SH3TC2: variants seen among roughly 807,000 people sequenced by gnomAD.
SH3TC2 encodes the protein SH3 domain and tetratricopeptide repeats 2, also known as SH3 domain and tetratricopeptide repeat-containing protein 2.
SH3TC2 carries 87 observed loss-of-function variants against 124.5 expected under a neutral mutation model. The observed-to-expected ratio is 0.70, with a 90% CI of 0.59 to 0.84. The LOEUF (loss-of-function observed/expected upper bound fraction) is 0.84, where lower values mean the gene tolerates loss of function less well. Ranked by LOEUF, SH3TC2 falls within the 40% of genes least tolerant of loss-of-function variation. The pLI, the probability that SH3TC2 is intolerant of heterozygous loss-of-function variation, is 0.00. For synonymous variants in SH3TC2, 634 were observed against 628.5 expected, an observed-to-expected ratio of 1.01 and a Z score of -0.13; for missense variants, 1,536 against 1,566.4, an observed-to-expected ratio of 0.98 and a Z score of 0.33.
intron 9 of SH3TC2, among the ~76,000 whole-genome samples, chr5:149,030,851 T>C (rs555850483): frequency 2.6e-5 from 4 of 152,340 alleles, no homozygotes; most frequent in South Asian, 4.1e-4. Context: ...CAAGTCACCA[T>C]CAATGAGAAA....
intron 8 of SH3TC2, 106 bp from the exon 9 acceptor site, chr5:149,031,793 A>C: frequency 3.4e-6 from 5 of 1,477,348 alleles, no homozygotes; most frequent in Non-Finnish European, 4.7e-6. Context: ...AAAGTCATCA[A>C]ACCAACTTCC....
At chr5:149,054,544 C>T (rs548835241) in intron 1 of SH3TC2, among the ~76,000 whole-genome samples, 19 of 146,848 alleles carry the variant, frequency 1.3e-4, no homozygotes, top group Non-Finnish European at 2.7e-4. Context: ...ACAGCAAACC[C>T]ACAAACATCT....
chr5:148,998,855 G>A lies in SH3TC2; in HGVS notation c.*5856C>T, dbSNP rs1256627950. The stretch of plus-strand genomic sequence containing the variant: ...TTCTGGAATAATCAGACAGAGTTGG[G>A]AGAGTGAGGGGGTACATATCAGGAA... On this transcript the variant is annotated 3_prime_UTR_variant, in exon 17 of 17. Coordinates refer to ENST00000515425, the MANE Select transcript of SH3TC2 (RefSeq NM_024577.4). 6.6e-6 allele frequency among the ~76,000 whole-genome samples: 1 copy of A among 152,200 alleles called. No homozygotes were observed. Among genetic ancestry groups the A allele is most frequent in the Non-Finnish European group, 1.5e-5 (1 of 68,036 alleles).
At position 148,994,034 on chromosome 5, in the gene SH3TC2, T is replaced by C. The variant is rs574365626; in HGVS notation, c.*10677A>G. On this transcript the variant is annotated 3_prime_UTR_variant, in exon 17 of 17. Transcript: ENST00000515425. The stretch of plus-strand genomic sequence containing the variant: ...CATGAAGCACCAAGAGCTTAACAAC[T>C]TGCCTGAGGTCACACATTTCATAAG... Among the ~76,000 whole-genome samples, 3 of 152,312 alleles carry C rather than the reference T, an allele frequency of 2.0e-5. No homozygotes were observed. The highest frequency in any genetic ancestry group is 7.2e-5 in the African/African-American group (3 of 41,566).
Position 148,990,059 on chromosome 5 carries a change from C to A in SH3TC2, c.*14652G>T, listed in dbSNP as rs1342345629. On this transcript the variant is annotated 3_prime_UTR_variant, in exon 17 of 17. Transcript: ENST00000515425. The stretch of plus-strand genomic sequence containing the variant: ...TCACTCAAAATATAGCTCCCTTAAG[C>A]CAGTTTTCCCTGCTTTCTCTCATGG... Among the ~76,000 whole-genome samples the A allele has an allele frequency of 6.6e-6, 1 of 152,004 alleles. No homozygotes were observed. Among genetic ancestry groups the A allele is most frequent in the Non-Finnish European group, 1.5e-5 (1 of 67,994 alleles).
intron 8 of SH3TC2, among the ~76,000 whole-genome samples, chr5:149,036,689 A>T (rs1754288089): frequency 6.6e-6 from 1 of 152,112 alleles, no homozygotes; most frequent in Admixed American, 6.5e-5. Context: ...TGGTAACATG[A>T]AGGGGTGGTT....
At position 149,027,518 on chromosome 5, in the gene SH3TC2, T is replaced by C; in HGVS notation, c.2214A>G (p.Pro738=). Residue 738 remains proline (P), a synonymous_variant, in exon 11 of 17, where the codon CCA becomes CCG. Coordinates refer to ENST00000515425, the MANE Select transcript of SH3TC2 (RefSeq NM_024577.4). ...AGGCAGCCAGGGCCTGTCTGAGCATTGGGCAGGCCAAGGCAGAAACTTCAC... is the reference window on the plus strand; with the variant it reads ...AGGCAGCCAGGGCCTGTCTGAGCATCGGGCAGGCCAAGGCAGAAACTTCAC... ...GWGEVSALAC[P]MLRQALAACE... 6.2e-7 allele frequency: 1 copy of C among 1,614,194 alleles called. No homozygotes were observed. The highest frequency in any genetic ancestry group is 8.5e-7 in the Non-Finnish European group (1 of 1,180,022).
At position 149,033,548 on chromosome 5, in the gene SH3TC2, A is replaced by C. The variant is rs74915794; in HGVS notation, c.1002-1861T>G. Among the ~76,000 whole-genome samples the C allele has an allele frequency of 2.2e-3, 331 of 152,320 alleles. 13 individuals are homozygous for C. The East Asian group carries it at 0.053, about 24-fold the overall frequency. On this transcript the variant is annotated intron_variant, in intron 8 of 16. Transcript: ENST00000515425. ...TTCAGCTGGGACTCTGGCCTTCAGA[A>C]CTGGGGTTGACCTTCTAATGCCCAC...
chr5:149,036,752 A>G (rs1487430431), intron 8 of SH3TC2, among the ~76,000 whole-genome samples: 4 of 152,118 alleles, frequency 2.6e-5, no homozygotes, highest in Non-Finnish European at 4.4e-5. Flanking sequence ...GGGAGCTTTT[A>G]TCAATATAAT....
chr5:149,024,641 G>A (rs975864399), intron 12 of SH3TC2, among the ~76,000 whole-genome samples: 3 of 152,150 alleles, frequency 2.0e-5, no homozygotes, highest in Non-Finnish European at 4.4e-5. Context: ...ACATTATTAG[G>A]TCATGGCAGG....
At chr5:149,033,079 T>G (rs531136086) in intron 8 of SH3TC2, among the ~76,000 whole-genome samples, 1 of 152,278 alleles carries the variant, frequency 6.6e-6, no homozygotes, top group South Asian at 2.1e-4. Flanking sequence ...TAATCCATGT[T>G]TGTAGATTAA....
At chr5:149,051,259 A>G (rs897598304) in intron 2 of SH3TC2, among the ~76,000 whole-genome samples, 4 of 152,230 alleles carry the variant, frequency 2.6e-5, no homozygotes, top group Non-Finnish European at 4.4e-5. Context: ...CATTAATTTC[A>G]AAACTTTTTC....
intron 2 of SH3TC2, among the ~76,000 whole-genome samples, chr5:149,049,643 G>A (rs1296868264): frequency 6.6e-6 from 1 of 151,968 alleles, no homozygotes; most frequent in African/African-American, 2.4e-5. Flanking sequence ...TGGTGGCCTG[G>A]GCATGGTGGT....
intron 12 of SH3TC2, among the ~76,000 whole-genome samples, chr5:149,023,582 C>CGTTTTTTTTTTT (rs1754012630): frequency 1.4e-5 from 1 of 73,520 alleles, no homozygotes; most frequent in Non-Finnish European, 2.4e-5. Flanking sequence ...ATAGTGTAAT[C>CGTTTTTTTTTTT]CTTTTTTTTT....
chr5:149,032,543 T>C (rs1580904499), intron 8 of SH3TC2, among the ~76,000 whole-genome samples: 1 of 152,332 alleles, frequency 6.6e-6, no homozygotes, highest in Admixed American at 6.5e-5. Context: ...GCCCAGGAGT[T>C]AATAATAGCT....
chr5:149,049,526 G>A (rs910659278), intron 2 of SH3TC2, among the ~76,000 whole-genome samples: 1 of 152,170 alleles, frequency 6.6e-6, no homozygotes, highest in African/African-American at 2.4e-5. Flanking sequence ...TAGCGGTTTG[G>A]GAGGTCAAGG....
At position 148,993,304 on chromosome 5, in the gene SH3TC2, G is replaced by T. The variant is rs554401192; in HGVS notation, c.*11407C>A. On this transcript the variant is annotated 3_prime_UTR_variant, in exon 17 of 17. Coordinates refer to ENST00000515425, the MANE Select transcript of SH3TC2 (RefSeq NM_024577.4). The stretch of plus-strand genomic sequence containing the variant: ...AACTACGATGGAAAATTCAGTGGCA[G>T]AAGCTAAAATTTGACCTAAATAAAT... Among the ~76,000 whole-genome samples the T allele has an allele frequency of 6.6e-6, 1 of 152,240 alleles. No individual in the cohort carries two copies. The highest frequency in any genetic ancestry group is 1.5e-5 in the Non-Finnish European group (1 of 68,012).
chr5:149,042,830 T>A lies in SH3TC2; in HGVS notation c.393A>T (p.Val131=). 5.6e-6 allele frequency: 9 copies of A among 1,614,144 alleles called. No homozygotes were observed. The highest frequency in any genetic ancestry group is 7.6e-6 in the Non-Finnish European group (9 of 1,180,028). ...AGAGGAGATGTTCTAGACACATGGA[T>A]ACGTAGCCTAAGAAGTCAAGCCAAC... ...KFSTYLNLGY[V]SMCLEHLLFD... Residue 131 remains valine (V), a synonymous_variant, in exon 5 of 17, where the codon GTA becomes GTT. Coordinates refer to ENST00000515425, the MANE Select transcript of SH3TC2 (RefSeq NM_024577.4).
At chr5:149,054,377 A>G (rs573440061) in intron 1 of SH3TC2, among the ~76,000 whole-genome samples, 16 of 152,204 alleles carry the variant, frequency 1.1e-4, no homozygotes, top group African/African-American at 3.6e-4. Context: ...CCTATGAATC[A>G]CCTATGGATA....
Sources: allele counts gnomAD v4.1 joint callset (sites outside exome capture counted in the v4.1 genomes callset), GRCh38; gene constraint gnomAD v4.1.1; transcripts MANE v1.5; gene names NCBI Gene and HGNC (gene_info 2026-07-23, HGNC 2026-07-21).